The following AAK1 variants were observed in gnomAD, a reference collection of about 807,000 sequenced individuals.
AAK1 encodes the protein AP2-associated protein kinase 1.
A neutral mutation model predicts 116.0 loss-of-function variants in AAK1; 37 were observed. The ratio of observed to expected loss-of-function variants is 0.32; its 90% confidence interval spans 0.25 to 0.42. AAK1 has a LOEUF of 0.42. Among genes scored for constraint, AAK1 ranks in the 10% least tolerant of loss-of-function variants. The pLI is 1.00. For missense variants in AAK1, 919 were observed against 1,170.6 expected, an observed-to-expected ratio of 0.79 and a Z score of 3.14; for synonymous variants, 458 against 439.9, an observed-to-expected ratio of 1.04 and a Z score of -0.51.
chr2:69,477,936 G>C (rs756211195), intron 20 of AAK1, among the ~76,000 whole-genome samples: 1 of 152,144 alleles, frequency 6.6e-6, no homozygotes, highest in South Asian at 2.1e-4. Context: ...ATCACAGAAA[G>C]TTCAGTAACA....
chr2:69,599,532 G>C (rs1027891167), intron 2 of AAK1, among the ~76,000 whole-genome samples: 1 of 152,058 alleles, frequency 6.6e-6, no homozygotes, highest in African/African-American at 2.4e-5. Flanking sequence ...TAAATGTTAT[G>C]ACAGTTTCAA....
chr2:69,556,799 A>T, intron 3 of AAK1, 61 bp downstream of exon 3: 2 of 1,352,256 alleles, frequency 1.5e-6, no homozygotes, highest in Non-Finnish European at 2.1e-6. Flanking sequence ...TGGCTTTCTT[A>T]TGAGAGGGTA....
rs1360680409 is a variant in AAK1, at chr2:69,529,620, G to A, written c.871+388C>T. The stretch of plus-strand genomic sequence containing the variant: ...GTCTTAATTATCTATTCACTCCAGT[G>A]AATGTACTGCAATCATTTTCATTTG... On this transcript the variant is annotated intron_variant, in intron 8 of 21. Transcript: ENST00000409085. Among the ~76,000 whole-genome samples, 5 of 152,312 alleles carry A rather than the reference G, an allele frequency of 3.3e-5. No individual in the cohort carries two copies. In the East Asian group the frequency reaches 9.6e-4, roughly 29 times the overall value.
Position 69,467,409 on chromosome 2 carries a change from A to G in AAK1, c.*8460T>C. The G allele has an allele frequency of 2.0e-6, 2 of 985,428 alleles. No individual in the cohort carries two copies. Among genetic ancestry groups the G allele is most frequent in the Non-Finnish European group, 2.4e-6 (2 of 829,944 alleles). The allele number at this position is 985,428 out of a possible 1,614,324, so 61.0% of individuals were successfully genotyped here. A position where few individuals can be genotyped will look rare whatever the true frequency, so the allele number is the denominator to read the frequency against. On this transcript the variant is annotated 3_prime_UTR_variant, in exon 22 of 22. Transcript: ENST00000409085. The stretch of plus-strand genomic sequence containing the variant: ...ATAGACAATTATCAGAATGCAAGAG[A>G]GCTTACCTTCCAAGAAATATTAGCA...
At position 69,643,085 on chromosome 2, in the gene AAK1, ATTTTTTT is replaced by A. The variant is rs4067981; in HGVS notation, c.-52_-46del. On this transcript the variant is annotated 5_prime_UTR_variant, in exon 2 of 22. Transcript: ENST00000409085. Reference sequence around the variant, plus strand: ...AAAGCAAAATACCGATGGTTTCTAGATTTTTTTTTTTTTTTTTTTTTTTTAAGAAAAG... The same window carrying A: ...AAAGCAAAATACCGATGGTTTCTAGATTTTTTTTTTTTTTTTTAAGAAAAG... 33 of 1,265,114 alleles carry A rather than the reference ATTTTTTT, an allele frequency of 2.6e-5. No homozygotes were observed. The East Asian group carries it at 6.5e-4, about 25-fold the overall frequency. 78.4% of individuals were successfully genotyped at this position (1,265,114 alleles called of 1,614,324 possible).
intron 2 of AAK1, among the ~76,000 whole-genome samples, chr2:69,624,257 G>C (rs1364685516): frequency 6.6e-6 from 1 of 152,156 alleles, no homozygotes; most frequent in Non-Finnish European, 1.5e-5. Context: ...AATAGAACAA[G>C]TACTCAAAGG....
chr2:69,574,750 T>G (rs1040935114), intron 2 of AAK1, among the ~76,000 whole-genome samples: 3 of 152,082 alleles, frequency 2.0e-5, no homozygotes, highest in African/African-American at 7.2e-5. Context: ...GCGAGAGGAT[T>G]TCCTGAGGCC....
Position 69,495,989 on chromosome 2 carries a change from T to C in AAK1, c.2361A>G (p.Ala787=), listed in dbSNP as rs1675724793. 6.4e-7 allele frequency: 1 copy of C among 1,552,766 alleles called. No individual in the cohort carries two copies. ...AGAACAGTTCTGTTCACCTACCTGGTGCATCAGGTACTTGAAGAGGAATGA... is the reference window on the plus strand; with the variant it reads ...AGAACAGTTCTGTTCACCTACCTGGCGCATCAGGTACTTGAAGAGGAATGA... ...DPFIPLQVPD[A]PEKLIEGLKS... is the part of the protein sequence containing the mutation. The change falls in exon 17 of 22, where the codon GCA becomes GCG. Residue 787 remains alanine, a synonymous_variant. Transcript: ENST00000409085.
At chr2:69,527,401 C>T (rs751842820) in intron 8 of AAK1, 82 bp from the exon 9 acceptor site, 11 of 925,800 alleles carry the variant, frequency 1.2e-5, no homozygotes, top group South Asian at 7.3e-5. Context: ...CTCTCTACTC[C>T]CAATGTTTTG....
At chr2:69,614,868 A>G (rs1674253245) in intron 2 of AAK1, among the ~76,000 whole-genome samples, 1 of 152,112 alleles carries the variant, frequency 6.6e-6, no homozygotes, top group Admixed American at 6.6e-5. Context: ...GGAGCCACAA[A>G]CCAAGGAATG....
chr2:69,535,532 T>C (rs900326017), intron 5 of AAK1, among the ~76,000 whole-genome samples: 1 of 152,144 alleles, frequency 6.6e-6, no homozygotes, highest in African/African-American at 2.4e-5. Context: ...ATAAATATTA[T>C]GACAAGAATA....
intron 17 of AAK1, among the ~76,000 whole-genome samples, chr2:69,483,038 A>T (rs190339711): frequency 6.6e-6 from 1 of 152,310 alleles, no homozygotes; most frequent in East Asian, 1.9e-4. Context: ...AAGGCATTCA[A>T]GATGCTGTCC....
At chr2:69,629,199 G>A (rs1675050158) in intron 2 of AAK1, among the ~76,000 whole-genome samples, 1 of 152,090 alleles carries the variant, frequency 6.6e-6, no homozygotes, top group Non-Finnish European at 1.5e-5. Context: ...TCCTATTTGT[G>A]ACCTGTCTGC....
intron 2 of AAK1, 41 bp downstream of exon 2, chr2:69,642,837 G>C (rs1322263160): frequency 1.2e-6 from 2 of 1,612,294 alleles, no homozygotes; most frequent in Non-Finnish European, 1.7e-6. Context: ...TGCCGCATCA[G>C]CACAAGATTT....
At position 69,465,991 on chromosome 2, in the gene AAK1, C is replaced by T. The variant is rs1403066378; in HGVS notation, c.*9878G>A. 5 of 1,290,764 alleles carry T rather than the reference C, an allele frequency of 3.9e-6. No homozygotes were observed. In the South Asian group the frequency reaches 6.2e-5, roughly 16 times the overall value. The allele number at this position is 1,290,764 out of a possible 1,614,324, so 80.0% of individuals were successfully genotyped here. ...ATGCTTTTCTTCTTAGTGAAAGGAG[C>T]TCTCAAAAACACGTCTGACTCCTCT... On this transcript the variant is annotated 3_prime_UTR_variant, in exon 22 of 22. Coordinates refer to ENST00000409085, the MANE Select transcript of AAK1 (RefSeq NM_014911.5).
rs1197578029 is a variant in AAK1 at position 69,551,652 on chromosome 2, A to G, written c.282+5208T>C. On this transcript the variant is annotated intron_variant, in intron 3 of 21. Coordinates refer to ENST00000409085, the MANE Select transcript of AAK1 (RefSeq NM_014911.5). ...CACAGAATAGCCTTGACACATCTGG[A>G]GCTGTAGCTATTTCCTATCACTGTT... Among the ~76,000 whole-genome samples, 3 of 152,208 alleles carry G rather than the reference A, an allele frequency of 2.0e-5. No homozygotes were observed. The East Asian group carries it at 5.8e-4, about 29-fold the overall frequency.
chr2:69,549,270 G>A (rs993419540), intron 3 of AAK1, among the ~76,000 whole-genome samples: 2 of 152,180 alleles, frequency 1.3e-5, no homozygotes, highest in Non-Finnish European at 2.9e-5. Context: ...TCGGGAGGCC[G>A]AGACAGGAGA....
intron 17 of AAK1, among the ~76,000 whole-genome samples, chr2:69,493,293 G>A (rs1675613504): frequency 6.6e-6 from 1 of 151,932 alleles, no homozygotes; most frequent in African/African-American, 2.4e-5. Flanking sequence ...GCACAATTCT[G>A]CAGGACACCG....
At chr2:69,491,800 AT>A (rs1675532900) in intron 17 of AAK1, among the ~76,000 whole-genome samples, 1 of 152,162 alleles carries the variant, frequency 6.6e-6, no homozygotes, top group Non-Finnish European at 1.5e-5. Context: ...AGTATTGCCA[AT>A]TTTAAGGATA....
Sources: allele counts gnomAD v4.1 joint callset (sites outside exome capture counted in the v4.1 genomes callset), GRCh38; gene constraint gnomAD v4.1.1; transcripts MANE v1.5; gene names NCBI Gene and HGNC (gene_info 2026-07-23, HGNC 2026-07-21).